The following KCNH8 variants were observed in gnomAD, a reference collection of about 807,000 sequenced individuals.
The protein encoded by KCNH8 is potassium voltage-gated channel subfamily H member 8, also known as voltage-gated delayed rectifier potassium channel KCNH8.
A neutral mutation model predicts 103.6 loss-of-function variants in KCNH8; 70 were observed. That is an observed-to-expected ratio of 0.68 (90% CI 0.56 to 0.82). KCNH8 has a LOEUF of 0.82. Among genes scored for constraint, KCNH8 ranks in the 40% least tolerant of loss-of-function variants. The pLI, the probability that KCNH8 is intolerant of heterozygous loss-of-function variation, is 0.00. For synonymous variants in KCNH8, 498 were observed against 489.4 expected, an observed-to-expected ratio of 1.02 and a Z score of -0.23; for missense variants, 1,217 against 1,329.9, an observed-to-expected ratio of 0.92 and a Z score of 1.32.
intron 3 of KCNH8, among the ~76,000 whole-genome samples, chr3:19,326,885 T>G (rs1048623465): frequency 2.6e-5 from 4 of 152,184 alleles, no homozygotes; most frequent in Non-Finnish European, 5.9e-5. Context: ...GCTGGATTCA[T>G]TCATGTAGCT....
At chr3:19,337,967 T>A (rs867444432) in intron 3 of KCNH8, among the ~76,000 whole-genome samples, 2,527 of 145,098 alleles carry the variant, frequency 0.017, 68 homozygotes, top group African/African-American at 0.057. Flanking sequence ...GAAAAAAAAA[T>A]AAACACACAC....
At chr3:19,159,423 A>G (rs994147965) in intron 1 of KCNH8, among the ~76,000 whole-genome samples, 1 of 151,966 alleles carries the variant, frequency 6.6e-6, no homozygotes, top group African/African-American at 2.4e-5. Flanking sequence ...GGACGTGTAT[A>G]TTATTTGACT....
intron 5 of KCNH8, among the ~76,000 whole-genome samples, chr3:19,349,740 A>G (rs1040437045): frequency 6.6e-6 from 1 of 151,974 alleles, no homozygotes; most frequent in Non-Finnish European, 1.5e-5. Context: ...GTTTTTGTTT[A>G]TTTGTTTTAA....
At chr3:19,202,819 A>G (rs530347006) in intron 1 of KCNH8, among the ~76,000 whole-genome samples, 3 of 152,302 alleles carry the variant, frequency 2.0e-5, no homozygotes, top group South Asian at 4.1e-4. Flanking sequence ...GTTAGGTACT[A>G]AATTTATAGT....
intron 11 of KCNH8, among the ~76,000 whole-genome samples, chr3:19,486,893 C>G (rs957103114): frequency 6.6e-6 from 1 of 152,134 alleles, no homozygotes; most frequent in Non-Finnish European, 1.5e-5. Context: ...CTCCCCTTTC[C>G]GAATAGTGAA....
In KCNH8 at chr3:19,363,483, A is replaced by C. The variant is rs76827525; in HGVS notation, c.811+15518A>C. On this transcript the variant is annotated intron_variant, in intron 5 of 15. Coordinates refer to ENST00000328405, the MANE Select transcript of KCNH8 (RefSeq NM_144633.3). ...TTAATCACCAGCTTGAGTATTCAAG[A>C]GGTCTCTTAACAACAGCTTCATAAT... 4.6e-5 allele frequency among the ~76,000 whole-genome samples: 7 copies of C among 152,312 alleles called. No individual in the cohort carries two copies. In the East Asian group the frequency reaches 1.4e-3, roughly 29 times the overall value.
At chr3:19,293,525 G>C (rs1392230553) in intron 3 of KCNH8, among the ~76,000 whole-genome samples, 2 of 152,184 alleles carry the variant, frequency 1.3e-5, no homozygotes, top group Admixed American at 6.6e-5. Flanking sequence ...ATCAGAATCT[G>C]CATTTCAGTG....
chr3:19,214,818 C>T (rs1287337901), intron 1 of KCNH8, among the ~76,000 whole-genome samples: 2 of 152,212 alleles, frequency 1.3e-5, no homozygotes, highest in East Asian at 1.9e-4. Flanking sequence ...CTCGTGCTCT[C>T]TAACCAGCAT....
At chr3:19,172,646 T>TA (rs1432216345) in intron 1 of KCNH8, among the ~76,000 whole-genome samples, 1 of 152,200 alleles carries the variant, frequency 6.6e-6, no homozygotes, top group African/African-American at 2.4e-5. Context: ...TTAATCCACA[T>TA]AACAGTCTTA....
chr3:19,153,255 AAAT>A (rs1431407869), intron 1 of KCNH8, among the ~76,000 whole-genome samples: 4 of 152,246 alleles, frequency 2.6e-5, no homozygotes, highest in Non-Finnish European at 5.9e-5. Context: ...TGATATATAC[AAAT>A]AATAAGAAAA....
At chr3:19,177,822 A>G (rs1318148703) in intron 1 of KCNH8, among the ~76,000 whole-genome samples, 3 of 152,162 alleles carry the variant, frequency 2.0e-5, no homozygotes, top group Non-Finnish European at 4.4e-5. Context: ...AATTAAAATG[A>G]AAAGACTTCA....
At chr3:19,316,598 T>C (rs2065277497) in intron 3 of KCNH8, among the ~76,000 whole-genome samples, 1 of 151,986 alleles carries the variant, frequency 6.6e-6, no homozygotes, top group Non-Finnish European at 1.5e-5. Flanking sequence ...AAGGGCTATC[T>C]CTCTGCTCCT....
intron 4 of KCNH8, 27 bp downstream of exon 4, chr3:19,342,741 A>G: frequency 2.5e-6 from 4 of 1,576,876 alleles, no homozygotes; most frequent in Non-Finnish European, 3.5e-6. Context: ...TACAGGATGA[A>G]TGCTAGTGTT....
intron 5 of KCNH8, among the ~76,000 whole-genome samples, chr3:19,361,052 A>G (rs534750614): frequency 1.3e-5 from 2 of 152,098 alleles, no homozygotes; most frequent in Non-Finnish European, 2.9e-5. Flanking sequence ...AAAAATGAGG[A>G]AACTGAGTCT....
chr3:19,217,185 G>A (rs77261347), intron 1 of KCNH8, among the ~76,000 whole-genome samples: 4,305 of 152,210 alleles, frequency 0.028, 203 homozygotes, highest in African/African-American at 0.096. Flanking sequence ...GGAGAAAGCC[G>A]TCTGCTTTGC....
chr3:19,363,018 C>G (rs1405092123), intron 5 of KCNH8, among the ~76,000 whole-genome samples: 1 of 152,068 alleles, frequency 6.6e-6, no homozygotes, highest in Non-Finnish European at 1.5e-5. Flanking sequence ...ACTTAATAAT[C>G]CAGCTAATCT....
chr3:19,164,682 A>G (rs762380077), intron 1 of KCNH8, among the ~76,000 whole-genome samples: 39 of 152,310 alleles, frequency 2.6e-4, no homozygotes, highest in Non-Finnish European at 1.5e-4. Flanking sequence ...TCACTGTGAG[A>G]TACTTACAAG....
chr3:19,402,203 A>G (rs568330750), intron 7 of KCNH8, among the ~76,000 whole-genome samples: 160 of 152,100 alleles, frequency 1.1e-3, no homozygotes, highest in African/African-American at 3.5e-3. Context: ...ATTTTCTATC[A>G]TAATCTTTTT....
chr3:19,292,527 T>C (rs2064942698), intron 3 of KCNH8, among the ~76,000 whole-genome samples: 1 of 152,212 alleles, frequency 6.6e-6, no homozygotes, highest in Admixed American at 6.5e-5. Context: ...TATATGTGCA[T>C]TGCCTTTAGC....
Sources: gnomAD v4.1 joint callset for allele counts (sites outside exome capture counted in the v4.1 genomes callset) on GRCh38, gnomAD v4.1.1 for gene constraint, MANE v1.5 for transcripts, NCBI Gene and HGNC (gene_info 2026-07-23, HGNC 2026-07-21) for gene names.